Variants in AP5M1 observed in about 807,000 individuals in gnomAD.
AP5M1 encodes the protein AP-5 complex subunit mu-1.
In AP5M1, 44 loss-of-function variants were observed where a neutral mutation model predicts 52.3. The observed-to-expected ratio is 0.84, with a 90% CI of 0.66 to 1.08. The LOEUF (loss-of-function observed/expected upper bound fraction) is 1.08, where lower values mean the gene tolerates loss of function less well. Ranked by LOEUF, AP5M1 falls within the 50% of genes least tolerant of loss-of-function variation. The probability of loss-of-function intolerance (pLI) is 0.00; values close to 1 mark genes in which losing one functional copy is unlikely to be tolerated. For missense variants in AP5M1, 526 were observed against 568.4 expected (o/e 0.93, Z 0.76); for synonymous variants, 213 against 199.0 (o/e 1.07, Z -0.59).
rs766534981 is a variant in AP5M1 at position 57,288,863 on chromosome 14, A to G, written c.1452A>G (p.Thr484=). ...ATTCTAAAGCCCCTGCTCCAGTAACATATGGATCATTATTATTGTAATAGT... is the reference window on the plus strand; with the variant it reads ...ATTCTAAAGCCCCTGCTCCAGTAACGTATGGATCATTATTATTGTAATAGT... ...IWNSKAPAPV[T]YGSLLL The change falls in exon 8 of 8, where the codon ACA becomes ACG. Residue 484 remains threonine, a synonymous_variant. Coordinates refer to ENST00000261558, the MANE Select transcript of AP5M1 (RefSeq NM_018229.4). The G allele has an allele frequency of 1.3e-6, 2 of 1,561,444 alleles. No homozygotes were observed. Among genetic ancestry groups the G allele is most frequent in the Non-Finnish European group, 1.8e-6 (2 of 1,136,164 alleles).
At position 57,276,041 on chromosome 14, in the gene AP5M1, G is replaced by A. The variant is rs191938488; in HGVS notation, c.720+1152G>A. Among the ~76,000 whole-genome samples the A allele has an allele frequency of 9.3e-4, 141 of 151,964 alleles. 1 individual carries two copies. Among genetic ancestry groups the A allele is most frequent in the African/African-American group, 3.2e-3 (134 of 41,476 alleles). On this transcript the variant is annotated intron_variant, in intron 2 of 7. Coordinates refer to ENST00000261558, the MANE Select transcript of AP5M1 (RefSeq NM_018229.4). ...AGTTCAAGAGCAGAGAATTAGAACA[G>A]TCCTGACAGAAAAATTGGGTCTGTC...
At position 57,283,456 on chromosome 14, in the gene AP5M1, C is replaced by T. The variant is rs538608334; in HGVS notation, c.1293+226C>T. Among the ~76,000 whole-genome samples the T allele has an allele frequency of 9.2e-4, 140 of 152,144 alleles. 1 individual carries two copies. Among genetic ancestry groups the T allele is most frequent in the African/African-American group, 3.2e-3 (133 of 41,502 alleles). ...CATTTTAAAAAGCCAGGCATAGTGG[C>T]GGGATGTCTGTAGTCCCAGCTATTG... is the stretch of plus-strand genomic sequence containing the variant. On this transcript the variant is annotated intron_variant, in intron 6 of 7. Transcript: ENST00000261558.
intron 2 of AP5M1, among the ~76,000 whole-genome samples, chr14:57,276,413 TA>T (rs1300557917): frequency 6.6e-6 from 1 of 151,962 alleles, no homozygotes; most frequent in East Asian, 1.9e-4. Context: ...CTGTCTCTAC[TA>T]AAAATACAAA....
Position 57,274,653 on chromosome 14 carries a change from T to G in AP5M1, c.484T>G (p.Leu162Val). The change falls in exon 2 of 8, where the codon TTG (leucine) becomes GTG (valine). Residue 162 changes from leucine (L) to valine (V), a missense_variant. Physicochemically the swap from Leu to Val is conservative, Grantham distance 32. Coordinates refer to ENST00000261558, the MANE Select transcript of AP5M1 (RefSeq NM_018229.4). ...TACAAAATTGAGCCAGTTGCCTGAC[T>G]TGCTTCTGCAGGCTTGTCCATTTGG... ...LNTKLSQLPD[L>V]LLQACPFGTL... 1 of 1,614,210 alleles carries G rather than the reference T, an allele frequency of 6.2e-7. No homozygotes were observed.
chr14:57,282,324 A>G (rs1299240929), intron 4 of AP5M1, 96 bp downstream of exon 4: 2 of 931,668 alleles, frequency 2.1e-6, no homozygotes, highest in Non-Finnish European at 3.0e-6. Flanking sequence ...CTTATTTTTA[A>G]GGTCTGAACA....
chr14:57,276,124 A>G (rs553524626), intron 2 of AP5M1, among the ~76,000 whole-genome samples: 164 of 152,136 alleles, frequency 1.1e-3, no homozygotes, highest in African/African-American at 3.6e-3. Flanking sequence ...TGTCTATTTT[A>G]AACTCATATC....
chr14:57,285,545 A>G (rs1167471268), intron 6 of AP5M1, among the ~76,000 whole-genome samples: 1 of 152,220 alleles, frequency 6.6e-6, no homozygotes, highest in African/African-American at 2.4e-5. Context: ...AAAGGAAAAA[A>G]AAAAATTGCT....
At chr14:57,276,066 C>CA (rs982318017) in intron 2 of AP5M1, among the ~76,000 whole-genome samples, 1 of 147,074 alleles carries the variant, frequency 6.8e-6, no homozygotes, top group Non-Finnish European at 1.5e-5. Context: ...TTGGGTCTGT[C>CA]TTTTTTTTTT....
At chr14:57,279,561 G>A (rs911816323) in intron 2 of AP5M1, among the ~76,000 whole-genome samples, 5 of 152,154 alleles carry the variant, frequency 3.3e-5, no homozygotes, top group African/African-American at 1.2e-4. Flanking sequence ...GCATCAGGAA[G>A]AATAGCAAAT....
At chr14:57,283,412 A>G (rs1885232292) in intron 6 of AP5M1, among the ~76,000 whole-genome samples, 182 bp downstream of exon 6, 1 of 152,076 alleles carries the variant, frequency 6.6e-6, no homozygotes, top group Admixed American at 6.6e-5. Flanking sequence ...AGTCACTTCT[A>G]TTTCACTTAA....
chr14:57,288,662 T>C (rs1885366696), intron 7 of AP5M1, 140 bp from the exon 8 acceptor site: 1 of 576,092 alleles, frequency 1.7e-6, no homozygotes, highest in African/African-American at 1.9e-5. Context: ...AATAAAGTCT[T>C]GATAATATGA....
At position 57,292,915 on chromosome 14, in the gene AP5M1, T is replaced by C. The variant is rs1323896087; in HGVS notation, c.*4031T>C. 1 of 151,660 alleles carries C rather than the reference T, an allele frequency of 6.6e-6. No homozygotes were observed. Among genetic ancestry groups the C allele is most frequent in the African/African-American group, 2.4e-5 (1 of 41,378 alleles). 9.4% of individuals were successfully genotyped at this position (151,660 alleles called of 1,614,324 possible). ...ATTTCTTTTCTTGAGGCAAAGGAGC[T>C]TCTTGTGTTTCCATTATAAGAATAA... On this transcript the variant is annotated 3_prime_UTR_variant, in exon 8 of 8. Transcript: ENST00000261558.
intron 2 of AP5M1, among the ~76,000 whole-genome samples, chr14:57,276,898 C>G (rs1379478681): frequency 6.6e-6 from 1 of 151,970 alleles, no homozygotes; most frequent in African/African-American, 2.4e-5. Flanking sequence ...AACTGTTAGC[C>G]AAACATTCTT....
rs970860228 is a variant in AP5M1, at chr14:57,295,698, C to G, written c.*6814C>G. Reference sequence around the variant, plus strand: ...CCTTCTCTGCTAAAGATTTTTGTCTCTAGGAAATATATTCCATTAAAAAAA... The same window carrying G: ...CCTTCTCTGCTAAAGATTTTTGTCTGTAGGAAATATATTCCATTAAAAAAA... On this transcript the variant is annotated 3_prime_UTR_variant, in exon 8 of 8. Coordinates refer to ENST00000261558, the MANE Select transcript of AP5M1 (RefSeq NM_018229.4). 1 of 150,788 alleles carries G rather than the reference C, an allele frequency of 6.6e-6. No individual in the cohort carries two copies. Among genetic ancestry groups the G allele is most frequent in the African/African-American group, 2.4e-5 (1 of 41,050 alleles). 9.3% of individuals were successfully genotyped at this position (150,788 alleles called of 1,614,324 possible).
chr14:57,288,945 T>C lies in AP5M1; in HGVS notation c.*61T>C. ...CAGTTTAAAGAAAATCATAATCTTA[T>C]ATTTTTAATGTGGATGCATATAACC... On this transcript the variant is annotated 3_prime_UTR_variant, in exon 8 of 8. Coordinates refer to ENST00000261558, the MANE Select transcript of AP5M1 (RefSeq NM_018229.4). The C allele has an allele frequency of 9.5e-7, 1 of 1,057,360 alleles. No individual in the cohort carries two copies. Among genetic ancestry groups the C allele is most frequent in the Non-Finnish European group, 1.4e-6 (1 of 718,776 alleles). 65.5% of individuals were successfully genotyped at this position (1,057,360 alleles called of 1,614,324 possible).
rs1242295639 is a variant in AP5M1 at position 57,290,073 on chromosome 14, G to C, written c.*1189G>C. On this transcript the variant is annotated 3_prime_UTR_variant, in exon 8 of 8. Coordinates refer to ENST00000261558, the MANE Select transcript of AP5M1 (RefSeq NM_018229.4). Reference sequence around the variant, plus strand: ...TGCATTAAAGATTAATACTCAATTTGATTATATCTTGGGTTCTGTTTTTTA... The same window carrying C: ...TGCATTAAAGATTAATACTCAATTTCATTATATCTTGGGTTCTGTTTTTTA... 41 of 151,838 alleles carry C rather than the reference G, an allele frequency of 2.7e-4. No individual in the cohort carries two copies. The highest frequency in any genetic ancestry group is 2.9e-5 in the Non-Finnish European group (2 of 67,882). 9.4% of individuals were successfully genotyped at this position (151,838 alleles called of 1,614,324 possible). A position where few individuals can be genotyped will look rare whatever the true frequency, so the allele number is the denominator to read the frequency against.
intron 4 of AP5M1, 126 bp from the exon 5 acceptor site, chr14:57,282,808 C>A: frequency 1.8e-6 from 1 of 549,540 alleles, no homozygotes; most frequent in Non-Finnish European, 3.2e-6. Flanking sequence ...TTCTATTCTG[C>A]AAACTTGAAT....
At position 57,280,348 on chromosome 14, in the gene AP5M1, G is replaced by A; in HGVS notation, c.874G>A (p.Ala292Thr). ...SSSIDAMDDS[A>T]FSGPYKFPFT... ...TAGTATTGATGCAATGGATGACTCT[G>A]CATTTAGTGGGCCTTACAAATTTCC... Residue 292 changes from alanine to threonine, a missense_variant, in exon 3 of 8, where the codon GCA (alanine) becomes ACA (threonine). Ala to Thr is a moderately conservative substitution (Grantham distance 58). Around this residue, in one of 3 missense-constraint regions of AP5M1, gnomAD observed 425 missense variants for 430.6 expected, o/e 0.99. Coordinates refer to ENST00000261558, the MANE Select transcript of AP5M1 (RefSeq NM_018229.4). 1 of 1,614,032 alleles carries A rather than the reference G, an allele frequency of 6.2e-7. No individual in the cohort carries two copies. The highest frequency in any genetic ancestry group is 8.5e-7 in the Non-Finnish European group (1 of 1,179,934).
In AP5M1 at chr14:57,268,986, G is replaced by C. The variant is rs981390418; in HGVS notation, c.-329G>C. ...AACCGAAAAAAGGCTCGACGCTACC[G>C]TGTATGAGGAACTTTGATCCTTGCG... On this transcript the variant is annotated 5_prime_UTR_variant, in exon 1 of 8. Coordinates refer to ENST00000261558, the MANE Select transcript of AP5M1 (RefSeq NM_018229.4). The C allele has an allele frequency of 9.0e-5, 51 of 565,008 alleles. No homozygotes were observed. The Admixed American group carries it at 1.3e-3, about 15-fold the overall frequency. The allele number at this position is 565,008 out of a possible 1,614,324, so 35.0% of individuals were successfully genotyped here.
Sources: allele counts gnomAD v4.1 joint callset (sites outside exome capture counted in the v4.1 genomes callset), GRCh38; gene constraint gnomAD v4.1.1; regional missense constraint gnomAD v4.1.1; transcripts MANE v1.5; gene names NCBI Gene and HGNC (gene_info 2026-07-23, HGNC 2026-07-21).